Variants in TTC28 observed in about 807,000 individuals in gnomAD.
The protein encoded by TTC28 is tetratricopeptide repeat domain 28.
Under a neutral mutation model 198.0 loss-of-function variants are expected in TTC28, and 61 were observed. The ratio of observed to expected loss-of-function variants is 0.31; its 90% confidence interval spans 0.25 to 0.38. The LOEUF (loss-of-function observed/expected upper bound fraction) is 0.38, where lower values mean the gene tolerates loss of function less well. Among genes scored for constraint, TTC28 ranks in the 10% least tolerant of loss-of-function variants. The pLI, the probability that TTC28 is intolerant of heterozygous loss-of-function variation, is 1.00. For missense variants in TTC28, 2,678 were observed against 3,164.0 expected (o/e 0.85, Z 3.69); for synonymous variants, 1,171 against 1,297.8 (o/e 0.90, Z 2.10).
At chr22:28,299,821 G>A (rs1490445089) in intron 3 of TTC28, among the ~76,000 whole-genome samples, 1 of 152,104 alleles carries the variant, frequency 6.6e-6, no homozygotes, top group Non-Finnish European at 1.5e-5. Flanking sequence ...CACACTGCAG[G>A]GCTCTAAGCC....
At chr22:28,015,246 A>C (rs1938319256) in intron 13 of TTC28, among the ~76,000 whole-genome samples, 1 of 152,110 alleles carries the variant, frequency 6.6e-6, no homozygotes, top group Non-Finnish European at 1.5e-5. Context: ...AAATGAGTCC[A>C]TTTCCAATGC....
intron 5 of TTC28, among the ~76,000 whole-genome samples, chr22:28,258,372 T>C (rs1487256810): frequency 6.6e-6 from 1 of 152,170 alleles, no homozygotes; most frequent in East Asian, 1.9e-4. Context: ...AGATGTACTA[T>C]TTTGGGCACA....
intron 13 of TTC28, among the ~76,000 whole-genome samples, chr22:28,023,354 C>T (rs762183735): frequency 6.6e-6 from 1 of 152,226 alleles, no homozygotes; most frequent in Non-Finnish European, 1.5e-5. Flanking sequence ...TTAAAAGAAC[C>T]TGATGCCCAG....
intron 5 of TTC28, among the ~76,000 whole-genome samples, chr22:28,282,756 T>A (rs535965472): frequency 6.6e-6 from 1 of 151,954 alleles, no homozygotes; most frequent in Non-Finnish European, 1.5e-5. Context: ...ACTCTACATA[T>A]GAAGAGACTA....
chr22:28,139,177 C>A (rs976900766), intron 6 of TTC28, among the ~76,000 whole-genome samples: 1 of 152,102 alleles, frequency 6.6e-6, no homozygotes, highest in Admixed American at 6.5e-5. Flanking sequence ...AGGACACAAT[C>A]CTGAGTCTCG....
intron 1 of TTC28, among the ~76,000 whole-genome samples, chr22:28,663,164 C>T (rs2051776983): frequency 6.6e-6 from 1 of 150,868 alleles, no homozygotes; most frequent in African/African-American, 2.4e-5. Context: ...AGGAGAATGG[C>T]GTGAACCCAG....
chr22:28,130,964 C>A (rs980364984), intron 6 of TTC28, among the ~76,000 whole-genome samples: 2 of 152,204 alleles, frequency 1.3e-5, no homozygotes, highest in East Asian at 3.9e-4. Context: ...TCATTTCTGT[C>A]AATTACTCAG....
At chr22:28,080,496 T>C (rs1027791543) in intron 12 of TTC28, among the ~76,000 whole-genome samples, 13 of 152,210 alleles carry the variant, frequency 8.5e-5, no homozygotes, top group Non-Finnish European at 1.0e-4. Context: ...TGAAGAAATG[T>C]CTACTTAGGT....
intron 2 of TTC28, among the ~76,000 whole-genome samples, chr22:28,496,024 T>C (rs1239091785): frequency 1.3e-5 from 2 of 152,254 alleles, no homozygotes; most frequent in Non-Finnish European, 2.9e-5. Context: ...TATAGGCTCA[T>C]TGCTCCCTCC....
chr22:28,116,846 T>A (rs1318990741), intron 6 of TTC28, among the ~76,000 whole-genome samples: 1 of 152,154 alleles, frequency 6.6e-6, no homozygotes, highest in Admixed American at 6.5e-5. Context: ...CTTTCCTGAT[T>A]CAGGCCCAAT....
chr22:28,359,307 GGTTT>G (rs559041845), intron 2 of TTC28, among the ~76,000 whole-genome samples: 158 of 152,230 alleles, frequency 1.0e-3, no homozygotes, highest in African/African-American at 3.5e-3. Context: ...AGAAAAAAAT[GGTTT>G]GTTTGACTGT....
chr22:28,146,652 A>G (rs748743969), intron 6 of TTC28, among the ~76,000 whole-genome samples: 7 of 152,238 alleles, frequency 4.6e-5, no homozygotes, highest in African/African-American at 7.2e-5. Flanking sequence ...GCACTCCAAC[A>G]GCTGGGCCAT....
At chr22:28,468,200 C>A (rs2048050502) in intron 2 of TTC28, among the ~76,000 whole-genome samples, 1 of 152,096 alleles carries the variant, frequency 6.6e-6, no homozygotes. Context: ...TGAACACAAT[C>A]CTCTCTGAGA....
chr22:28,524,804 T>C (rs570095316), intron 2 of TTC28, among the ~76,000 whole-genome samples: 4 of 152,314 alleles, frequency 2.6e-5, no homozygotes, highest in South Asian at 2.1e-4. Context: ...CTCTCATATG[T>C]TGGTGATGAA....
intron 2 of TTC28, among the ~76,000 whole-genome samples, chr22:28,550,248 G>C (rs776028696): frequency 6.6e-5 from 10 of 152,102 alleles, no homozygotes; most frequent in Non-Finnish European, 1.5e-4. Context: ...CATAATTTCA[G>C]AATTGTGGCT....
In TTC28 at chr22:28,335,505, T is replaced by C. The variant is rs1056845504; in HGVS notation, c.382-28862A>G. ...CTCATGAGCATAGAATGTTCTTCCA[T>C]TTGTTTGTTGGGCAGTGGTTTGTAC... On this transcript the variant is annotated intron_variant, in intron 2 of 22. Coordinates refer to ENST00000397906, the MANE Select transcript of TTC28 (RefSeq NM_001145418.2). Among the ~76,000 whole-genome samples, 17 of 152,324 alleles carry C rather than the reference T, an allele frequency of 1.1e-4. No individual in the cohort carries two copies. In the Middle Eastern group the frequency reaches 0.01, roughly 91 times the overall value.
At chr22:28,354,885 C>T (rs2046051224) in intron 2 of TTC28, among the ~76,000 whole-genome samples, 1 of 151,708 alleles carries the variant, frequency 6.6e-6, no homozygotes, top group Non-Finnish European at 1.5e-5. Flanking sequence ...AGGTTAGTTA[C>T]ATATGTATAC....
At position 28,108,299 on chromosome 22, in the gene TTC28, C is replaced by T; in HGVS notation, c.1546G>A (p.Ala516Thr). 6.5e-7 allele frequency: 1 copy of T among 1,543,834 alleles called. No homozygotes were observed. The highest frequency in any genetic ancestry group is 8.8e-7 in the Non-Finnish European group (1 of 1,141,058). Reference sequence around the variant, plus strand: ...TAGGCATTGCCCATATTCCCATAGGCACGGCCCTGGGCAGCATAATCACTC... The same window carrying T: ...TAGGCATTGCCCATATTCCCATAGGTACGGCCCTGGGCAGCATAATCACTC... The part of the protein sequence containing the change: ...ELSDYAAQGR[A>T]YGNMGNAYNA... Residue 516 changes from alanine (A) to threonine (T), a missense_variant, in exon 7 of 23, where the codon GCC (alanine) becomes ACC (threonine). Transcript: ENST00000397906.
intron 12 of TTC28, among the ~76,000 whole-genome samples, chr22:28,068,477 C>T (rs772867984): frequency 4.6e-5 from 7 of 152,192 alleles, no homozygotes; most frequent in African/African-American, 7.2e-5. Flanking sequence ...TACTTCATTC[C>T]ATTCTGGGCT....
Sources: allele counts gnomAD v4.1 joint callset (sites outside exome capture counted in the v4.1 genomes callset), GRCh38; gene constraint gnomAD v4.1.1; transcripts MANE v1.5; gene names NCBI Gene and HGNC (gene_info 2026-07-23, HGNC 2026-07-21).